SYMPK: variants seen among roughly 807,000 people sequenced by gnomAD.
SYMPK encodes symplekin.
In SYMPK, 49 loss-of-function variants were observed where a neutral mutation model predicts 136.4. That is an observed-to-expected ratio of 0.36 (90% CI 0.29 to 0.46). The LOEUF is 0.46. Among genes scored for constraint, SYMPK ranks in the 20% least tolerant of loss-of-function variants. The pLI is 1.00. For synonymous variants in SYMPK, 766 were observed against 713.0 expected, an observed-to-expected ratio of 1.07 and a Z score of -1.19; for missense variants, 1,365 against 1,690.0, an observed-to-expected ratio of 0.81 and a Z score of 3.37.
rs372241569 is a variant in SYMPK, at chr19:45,815,896, G to C, written c.3642C>G (p.Thr1214=). 6.2e-7 allele frequency: 1 copy of C among 1,611,780 alleles called. No homozygotes were observed. The highest frequency in any genetic ancestry group is 8.5e-7 in the Non-Finnish European group (1 of 1,179,710). Residue 1214 remains threonine (T), a synonymous_variant, in exon 26 of 27, where the codon ACC becomes ACG. Transcript: ENST00000245934. ...GACTAGAGTCCAACAGCGCGGCCTC[G>C]GTCAGCCCCGAGTCGTCATCCATGC... is the stretch of plus-strand genomic sequence containing the variant. ...FISMDDDSGL[T]EAALLDSSLE...
chr19:45,815,599 G>A lies in SYMPK; in HGVS notation c.3786C>T (p.Ala1262=), dbSNP rs754714404. The A allele has an allele frequency of 6.4e-7, 1 of 1,552,494 alleles. No homozygotes were observed. Among genetic ancestry groups the A allele is most frequent in the Admixed American group, 1.8e-5 (1 of 55,186 alleles). Residue 1262 remains alanine (A), a synonymous_variant, in exon 27 of 27, where the codon GCC becomes GCT. Transcript: ENST00000245934. ...TGGCCTCGGGTTCCCTGGCGTCCTC[G>A]GCAGCCGGGCTGGGAGTCTTCATAG... ...EDAMKTPSPA[A]EDAREPEAKG... is the part of the protein sequence containing the mutation.
In SYMPK at chr19:45,829,080, C is replaced by T. The variant is rs200536983; in HGVS notation, c.1875G>A (p.Gln625=). ...RLDLAFAWLY[Q]EYNAYLAAGA... ...CTGCGGCCAGGTAGGCGTTGTACTC[C>T]TGGTAGAGCCAGGCGAAGGCCAGGT... The change falls in exon 14 of 27, where the codon CAG becomes CAA. Residue 625 remains glutamine, a synonymous_variant. Transcript: ENST00000245934. 1.1e-5 allele frequency: 18 copies of T among 1,614,204 alleles called. No homozygotes were observed. In the East Asian group the frequency reaches 4.0e-4, roughly 36 times the overall value.
At chr19:45,839,722 C>G (rs1294493496) in intron 9 of SYMPK, among the ~76,000 whole-genome samples, 3 of 152,140 alleles carry the variant, frequency 2.0e-5, no homozygotes, top group African/African-American at 7.2e-5. Flanking sequence ...GTCCCAGCTA[C>G]TCGGGAGGCT....
chr19:45,822,020 G>A (rs1254085444), intron 21 of SYMPK, among the ~76,000 whole-genome samples: 1 of 152,068 alleles, frequency 6.6e-6, no homozygotes, highest in Non-Finnish European at 1.5e-5. Context: ...CAGGGTCTGC[G>A]TGGAACAGAC....
intron 1 of SYMPK, among the ~76,000 whole-genome samples, chr19:45,861,097 A>T (rs931440425): frequency 2.0e-5 from 3 of 152,156 alleles, no homozygotes; most frequent in Non-Finnish European, 4.4e-5. Flanking sequence ...CAGTCAAAAC[A>T]TAAAAAAAAC....
At chr19:45,845,685 C>T (rs1441741596) in intron 7 of SYMPK, among the ~76,000 whole-genome samples, 2 of 152,178 alleles carry the variant, frequency 1.3e-5, no homozygotes, top group Non-Finnish European at 2.9e-5. Flanking sequence ...CTTTTTGATA[C>T]AGTGATTTCC....
Position 45,827,575 on chromosome 19 carries a change from G to A in SYMPK, c.2116C>T (p.Arg706Cys), listed in dbSNP as rs768479666. The change falls in exon 16 of 27, where the codon CGC (arginine) becomes TGC (cysteine). Residue 706 changes from arginine to cysteine, a missense_variant. Around this residue, in one of 11 missense-constraint regions of SYMPK, gnomAD observed 303 missense variants for 326.6 expected, o/e 0.93. Coordinates refer to ENST00000245934, the MANE Select transcript of SYMPK (RefSeq NM_004819.3). Reference protein sequence around the residue: ...MSTLRDLIFKRPSRQFQYLHV... With the variant: ...MSTLRDLIFKCPSRQFQYLHV... Reference sequence around the variant, plus strand: ...AGGTACTGGAACTGGCGGGACGGGCGCTTGAAGATCAGGTCTCGAAGTGTG... The same window carrying A: ...AGGTACTGGAACTGGCGGGACGGGCACTTGAAGATCAGGTCTCGAAGTGTG... 1.1e-5 allele frequency: 18 copies of A among 1,614,040 alleles called. No homozygotes were observed. Among genetic ancestry groups the A allele is most frequent in the Admixed American group, 1.7e-5 (1 of 60,002 alleles).
At chr19:45,826,417 G>C in intron 16 of SYMPK, 44 bp from the exon 17 acceptor site, 1 of 1,599,650 alleles carries the variant, frequency 6.3e-7, no homozygotes, top group Non-Finnish European at 8.6e-7. Context: ...GAAGAGGTAA[G>C]AGGAAGAACA....
At chr19:45,816,333 A>C (rs1018135943) in intron 25 of SYMPK, 149 bp downstream of exon 25, 2 of 1,242,760 alleles carry the variant, frequency 1.6e-6, no homozygotes, top group African/African-American at 3.0e-5. Context: ...CCCAACTCCC[A>C]GCAGGAGCAT....
Position 45,850,603 on chromosome 19 carries a change from T to C in SYMPK, c.299+1709A>G, listed in dbSNP as rs139070256. 2.1e-3 allele frequency among the ~76,000 whole-genome samples: 325 copies of C among 152,254 alleles called. 4 individuals carry two copies. Among genetic ancestry groups the C allele is most frequent in the Non-Finnish European group, 4.0e-3 (270 of 68,034 alleles). ...ATCGAGGCTGCCATAATTACGGAGA[T>C]AACACGGGAAAGGACCTGACACAGC... On this transcript the variant is annotated intron_variant, in intron 5 of 26. Transcript: ENST00000245934.
chr19:45,831,422 C>T lies in SYMPK; in HGVS notation c.1560G>A (p.Lys520=). The T allele has an allele frequency of 6.3e-7, 1 of 1,599,756 alleles. No individual in the cohort carries two copies. Among genetic ancestry groups the T allele is most frequent in the Non-Finnish European group, 8.5e-7 (1 of 1,173,002 alleles). ...CAGGGATAATGGGCTCTGGCCTCCT[C>T]TTGGCCTGCGGTGCCTCTTCCTCCA... The part of the protein sequence containing the change: ...SPLEEEAPQA[K]RRPEPIIPVT... Residue 520 remains lysine (K), a synonymous_variant, in exon 12 of 27, where the codon AAG becomes AAA. Transcript: ENST00000245934.
At chr19:45,838,713 T>A in intron 9 of SYMPK, 98 bp from the exon 10 acceptor site, 2 of 1,356,286 alleles carry the variant, frequency 1.5e-6, no homozygotes, top group Non-Finnish European at 2.0e-6. Context: ...CTAGTCAGCC[T>A]CAGCAAACAG....
Position 45,815,702 on chromosome 19 carries a change from T to C in SYMPK, c.3688-5A>G, listed in dbSNP as rs547056130. The C allele has an allele frequency of 7.2e-5, 116 of 1,609,130 alleles. No individual in the cohort carries two copies. The East Asian group carries it at 2.2e-3, about 31-fold the overall frequency. ...CAGCCCGCCCGCTGCCGTCTCCTGG[T>C]GACCGGGGAAGGAAAGGGCAGCCGG... On this transcript the variant is annotated splice_polypyrimidine_tract_variant and splice_region_variant and intron_variant, in intron 26 of 26. Transcript: ENST00000245934.
rs764075823 is a variant in SYMPK, at chr19:45,827,501, G to C, written c.2181+9C>G. The C allele has an allele frequency of 6.2e-7, 1 of 1,608,454 alleles. No individual in the cohort carries two copies. Among genetic ancestry groups the C allele is most frequent in the African/African-American group, 1.3e-5 (1 of 74,802 alleles). ...CTGAGGGCAGCCAGGAAGTGGAGGA[G>C]GGGATCACCTTGTCCTTCTCATGGG... On this transcript the variant is annotated intron_variant, in intron 16 of 26. Coordinates refer to ENST00000245934, the MANE Select transcript of SYMPK (RefSeq NM_004819.3).
chr19:45,854,103 C>A (rs1267204460), intron 3 of SYMPK, 72 bp downstream of exon 3: 10 of 1,432,368 alleles, frequency 7.0e-6, no homozygotes, highest in South Asian at 6.9e-5. Context: ...GGTGTTACTG[C>A]AAGTGTCTTT....
intron 5 of SYMPK, among the ~76,000 whole-genome samples, chr19:45,849,124 G>A (rs911464213): frequency 6.6e-6 from 1 of 152,120 alleles, no homozygotes; most frequent in Non-Finnish European, 1.5e-5. Context: ...GGGACAGTAG[G>A]GGCAGACAAC....
chr19:45,836,163 C>T (rs903400801), intron 10 of SYMPK, among the ~76,000 whole-genome samples: 17 of 151,378 alleles, frequency 1.1e-4, no homozygotes, highest in Non-Finnish European at 1.5e-4. Context: ...CTCACTGCAA[C>T]CTCTGCCGCC....
chr19:45,815,628 C>G lies in SYMPK; in HGVS notation c.3757G>C (p.Asp1253His). The G allele has an allele frequency of 1.2e-6, 2 of 1,608,178 alleles. No homozygotes were observed. The highest frequency in any genetic ancestry group is 1.7e-6 in the Non-Finnish European group (2 of 1,177,976). The change falls in exon 27 of 27, where the codon GAT becomes CAT. Residue 1253 changes from aspartate to histidine, a missense_variant. By Grantham distance (81) the Asp-to-His change is moderately conservative. Around this residue, in one of 11 missense-constraint regions of SYMPK, gnomAD observed 341 missense variants for 270.5 expected, o/e 1.26. Transcript: ENST00000245934. Reference protein sequence around the residue: ...SPQTLAPVGEDAMKTPSPAAE... With the variant: ...SPQTLAPVGEHAMKTPSPAAE... ...GCCGGGCTGGGAGTCTTCATAGCAT[C>G]TTCTCCAACAGGTGCGAGGGTCTGG...
At chr19:45,838,732 A>G in intron 9 of SYMPK, 117 bp from the exon 10 acceptor site, 1 of 1,165,324 alleles carries the variant, frequency 8.6e-7, no homozygotes, top group South Asian at 1.6e-5. Context: ...AGGAGCAAAC[A>G]GCGGATGAAG....
Sources: gnomAD v4.1 joint callset for allele counts (sites outside exome capture counted in the v4.1 genomes callset) on GRCh38, gnomAD v4.1.1 for gene constraint, gnomAD v4.1.1 regional missense constraint, MANE v1.5 for transcripts, NCBI Gene and HGNC (gene_info 2026-07-23, HGNC 2026-07-21) for gene names.